The following TCF7L1 variants were observed in gnomAD, a reference collection of about 807,000 sequenced individuals.
The protein encoded by TCF7L1 is transcription factor 7-like 1.
TCF7L1 carries 18 observed loss-of-function variants against 63.7 expected under a neutral mutation model. The ratio of observed to expected loss-of-function variants is 0.28; its 90% confidence interval spans 0.20 to 0.42. The LOEUF (loss-of-function observed/expected upper bound fraction) is 0.42, where lower values mean the gene tolerates loss of function less well. Among genes scored for constraint, TCF7L1 ranks in the 10% least tolerant of loss-of-function variants. The pLI is 1.00. For missense variants in TCF7L1, 654 were observed against 779.3 expected (o/e 0.84, Z 1.91); for synonymous variants, 355 against 340.9 (o/e 1.04, Z -0.46).
intron 3 of TCF7L1, among the ~76,000 whole-genome samples, chr2:85,143,434 G>A (rs968866660): frequency 6.6e-6 from 1 of 152,042 alleles, no homozygotes; most frequent in African/African-American, 2.4e-5. Flanking sequence ...GCTCTTTTTG[G>A]CTGGTCTTAA....
chr2:85,255,091 A>C (rs555714322), intron 3 of TCF7L1, among the ~76,000 whole-genome samples: 1 of 152,246 alleles, frequency 6.6e-6, no homozygotes, highest in South Asian at 2.1e-4. Context: ...GCCCAGTCTG[A>C]GGCCTCACTG....
At chr2:85,185,356 A>G (rs1227239003) in intron 3 of TCF7L1, among the ~76,000 whole-genome samples, 1 of 152,004 alleles carries the variant, frequency 6.6e-6, no homozygotes, top group Non-Finnish European at 1.5e-5. Flanking sequence ...CTCCTAGGCT[A>G]AAGCGATCCC....
At chr2:85,179,293 C>T (rs528205425) in intron 3 of TCF7L1, among the ~76,000 whole-genome samples, 1 of 152,272 alleles carries the variant, frequency 6.6e-6, no homozygotes, top group South Asian at 2.1e-4. Context: ...GAAACACAAC[C>T]TGAGTCCTGG....
intron 3 of TCF7L1, among the ~76,000 whole-genome samples, chr2:85,271,861 T>C (rs1048558273): frequency 6.6e-6 from 1 of 152,184 alleles, no homozygotes; most frequent in Non-Finnish European, 1.5e-5. Context: ...GAAAGATATT[T>C]CTAGAGGTAA....
intron 3 of TCF7L1, among the ~76,000 whole-genome samples, chr2:85,237,341 C>G (rs1680216718): frequency 6.6e-6 from 1 of 152,024 alleles, no homozygotes. Flanking sequence ...TTCACTGGAT[C>G]CTTGTTATAA....
intron 3 of TCF7L1, chr2:85,233,710 A>C (rs1382120417): frequency 6.6e-6 from 1 of 152,096 alleles, no homozygotes; most frequent in East Asian, 1.9e-4. Context: ...CCCACCCCCA[A>C]ATTTCCCTGG....
chr2:85,174,867 G>A (rs921254332), intron 3 of TCF7L1, among the ~76,000 whole-genome samples: 4 of 152,322 alleles, frequency 2.6e-5, no homozygotes, highest in African/African-American at 4.8e-5. Context: ...GTCCCTGCCC[G>A]ACCCTACCTT....
chr2:85,237,315 G>A (rs1012035997), intron 3 of TCF7L1, among the ~76,000 whole-genome samples: 1 of 152,102 alleles, frequency 6.6e-6, no homozygotes, highest in Non-Finnish European at 1.5e-5. Flanking sequence ...ACAGCTCACA[G>A]TTATAACAAG....
chr2:85,252,519 T>A (rs963157175), intron 3 of TCF7L1, among the ~76,000 whole-genome samples: 1 of 152,158 alleles, frequency 6.6e-6, no homozygotes. Context: ...CCAAAAGAGA[T>A]CCCTTCCCTG....
chr2:85,249,613 T>A (rs1471346418), intron 3 of TCF7L1, among the ~76,000 whole-genome samples: 1 of 152,218 alleles, frequency 6.6e-6, no homozygotes, highest in African/African-American at 2.4e-5. Flanking sequence ...CTGCGGAACC[T>A]TCCTCACAGC....
At chr2:85,261,766 A>T (rs1185678042) in intron 3 of TCF7L1, among the ~76,000 whole-genome samples, 1 of 152,076 alleles carries the variant, frequency 6.6e-6, no homozygotes, top group Admixed American at 6.5e-5. Context: ...GTGTGCCTAT[A>T]GTCCCAGCTA....
At chr2:85,283,620 GTGGCCTCATCCCA>G in intron 4 of TCF7L1, 42 bp downstream of exon 4, 1 of 1,605,576 alleles carries the variant, frequency 6.2e-7, no homozygotes, top group Non-Finnish European at 8.5e-7. Context: ...GCCACTATTA[GTGGCCTCATCCCA>G]TGCCACTGCC....
intron 3 of TCF7L1, among the ~76,000 whole-genome samples, chr2:85,204,334 G>A (rs80122435): frequency 3.3e-5 from 4 of 120,108 alleles, no homozygotes; most frequent in Non-Finnish European, 6.3e-5. Context: ...GAGACCTTTC[G>A]ATGTCAGTAC....
intron 3 of TCF7L1, among the ~76,000 whole-genome samples, chr2:85,174,075 A>G (rs796288979): frequency 3.3e-5 from 5 of 152,126 alleles, no homozygotes; most frequent in South Asian, 4.1e-4. Context: ...GCAGTTTTCA[A>G]TATATTCACA....
intron 3 of TCF7L1, among the ~76,000 whole-genome samples, chr2:85,210,599 T>G (rs1388768332): frequency 6.6e-6 from 1 of 152,126 alleles, no homozygotes; most frequent in Non-Finnish European, 1.5e-5. Flanking sequence ...TGAAGGAAGT[T>G]TCAGACAACA....
At chr2:85,183,191 A>G (rs1678844204) in intron 3 of TCF7L1, among the ~76,000 whole-genome samples, 1 of 152,198 alleles carries the variant, frequency 6.6e-6, no homozygotes, top group Non-Finnish European at 1.5e-5. Flanking sequence ...CTGAAATACT[A>G]GATATCAAAA....
In TCF7L1 at chr2:85,180,140, G is replaced by A. The variant is rs552304593; in HGVS notation, c.441+45690G>A. ...GGAGAGGGCCGAGAAGATCTCCTTT[G>A]AGAGATGGGGAGGGAGATGTGAGGC... On this transcript the variant is annotated intron_variant, in intron 3 of 11. Coordinates refer to ENST00000282111, the MANE Select transcript of TCF7L1 (RefSeq NM_031283.3). 2.0e-5 allele frequency among the ~76,000 whole-genome samples: 3 copies of A among 152,010 alleles called. No homozygotes were observed. The South Asian group carries it at 6.3e-4, about 32-fold the overall frequency.
At chr2:85,250,476 G>A (rs868552093) in intron 3 of TCF7L1, among the ~76,000 whole-genome samples, 5 of 151,530 alleles carry the variant, frequency 3.3e-5, no homozygotes, top group Non-Finnish European at 7.4e-5. Flanking sequence ...TCGCTCTGTC[G>A]CCCAGGCTGG....
At chr2:85,152,106 A>G (rs921976306) in intron 3 of TCF7L1, among the ~76,000 whole-genome samples, 1 of 152,188 alleles carries the variant, frequency 6.6e-6, no homozygotes, top group Non-Finnish European at 1.5e-5. Flanking sequence ...CTGGCTTCTG[A>G]GTCCTTGTGA....
Sources: allele counts gnomAD v4.1 joint callset (sites outside exome capture counted in the v4.1 genomes callset), GRCh38; gene constraint gnomAD v4.1.1; transcripts MANE v1.5; gene names NCBI Gene and HGNC (gene_info 2026-07-23, HGNC 2026-07-21).